PRH1: variants seen among roughly 807,000 people sequenced by gnomAD.
The protein encoded by PRH1 is salivary acidic proline-rich phosphoprotein 1/2.
A neutral mutation model predicts 7.9 loss-of-function variants in PRH1; 7 were observed. That is an observed-to-expected ratio of 0.89 (90% CI 0.50 to 1.67). The LOEUF (loss-of-function observed/expected upper bound fraction) is 1.67, where lower values mean the gene tolerates loss of function less well. Ranked by LOEUF, PRH1 falls within the 40% of genes most tolerant of loss-of-function variation. The pLI is 0.00. For missense variants in PRH1, 109 were observed against 223.6 expected (o/e 0.49, Z 3.27); for synonymous variants, 45 against 80.8 (o/e 0.56, Z 2.38).
intron 1 of PRH1, chr12:10,997,838 A>C: frequency 6.2e-7 from 1 of 1,603,890 alleles, no homozygotes; most frequent in Non-Finnish European, 8.5e-7. Flanking sequence ...TGCAACCACT[A>C]CTAGAATGGA....
At chr12:10,965,033 A>T in intron 2 of PRH1, 1 of 927,272 alleles carries the variant, frequency 1.1e-6, no homozygotes. Flanking sequence ...AATCTTGAGG[A>T]AATAAAATAT....
At chr12:11,032,414 C>T (rs1305794214) in intron 1 of PRH1, among the ~76,000 whole-genome samples, 1 of 152,212 alleles carries the variant, frequency 6.6e-6, no homozygotes, top group Non-Finnish European at 1.5e-5. Flanking sequence ...TTGAGAACCA[C>T]AGGCAGGCCA....
intron 1 of PRH1, among the ~76,000 whole-genome samples, chr12:11,074,299 A>C (rs1944206207): frequency 6.6e-6 from 1 of 151,872 alleles, no homozygotes; most frequent in Non-Finnish European, 1.5e-5. Context: ...CCTGCCTTCT[A>C]ATGTGACACT....
At chr12:10,914,509 C>T (rs718109) in intron 2 of PRH1, among the ~76,000 whole-genome samples, 9 of 151,988 alleles carry the variant, frequency 5.9e-5, no homozygotes, top group African/African-American at 1.7e-4. Flanking sequence ...CAAGGAGGTT[C>T]TGAGCAGATG....
intron 1 of PRH1, among the ~76,000 whole-genome samples, chr12:11,017,128 T>C (rs1317374875): frequency 6.6e-6 from 1 of 152,288 alleles, no homozygotes; most frequent in East Asian, 1.9e-4. Flanking sequence ...ATTTAGTGAA[T>C]GTTTCTTATT....
intron 1 of PRH1, among the ~76,000 whole-genome samples, chr12:11,170,334 C>G (rs1294944516): frequency 6.6e-6 from 1 of 152,160 alleles, no homozygotes; most frequent in Non-Finnish European, 1.5e-5. Flanking sequence ...ATCACGAGGT[C>G]AGGAGATCGA....
chr12:11,049,828 A>G (rs996865565), upstream of PRH1, among the ~76,000 whole-genome samples: 1 of 152,216 alleles, frequency 6.6e-6, no homozygotes, highest in African/African-American at 2.4e-5. Flanking sequence ...AAGTCCTGGG[A>G]GGCCAATACA....
At chr12:11,030,629 A>G in intron 1 of PRH1, 1 of 1,614,238 alleles carries the variant, frequency 6.2e-7, no homozygotes, top group South Asian at 1.1e-5. Flanking sequence ...GGCACATAAC[A>G]AGAGGAAAAA....
At chr12:11,170,112 C>T (rs769956469) in intron 1 of PRH1, among the ~76,000 whole-genome samples, 1 of 152,092 alleles carries the variant, frequency 6.6e-6, no homozygotes, top group Non-Finnish European at 1.5e-5. Flanking sequence ...TGAATGAAGA[C>T]GGTGTGTGCG....
intron 1 of PRH1, among the ~76,000 whole-genome samples, chr12:11,075,534 G>A (rs1163045672): frequency 8.7e-6 from 1 of 114,432 alleles, no homozygotes; most frequent in African/African-American, 2.9e-5. Context: ...TCTTGTGATG[G>A]GGTCTGCTAA....
intron 1 of PRH1, among the ~76,000 whole-genome samples, chr12:10,998,185 C>T (rs1376511943): frequency 6.6e-6 from 1 of 152,150 alleles, no homozygotes; most frequent in Non-Finnish European, 1.5e-5. Flanking sequence ...GCTGAATTCT[C>T]ATTTGCTAGC....
chr12:10,930,698 G>C, intron 2 of PRH1: 1 of 1,613,858 alleles, frequency 6.2e-7, no homozygotes, highest in Non-Finnish European at 8.5e-7. Context: ...GATGAGGAGC[G>C]TCAGGGACCA....
At chr12:10,984,096 T>TG (rs373481487) in intron 1 of PRH1, among the ~76,000 whole-genome samples, 1 of 150,776 alleles carries the variant, frequency 6.6e-6, no homozygotes, top group East Asian at 1.9e-4. Context: ...CAGTTTTTTT[T>TG]AATGAAATGC....
At chr12:10,930,174 G>C in intron 2 of PRH1, 1 of 1,394,270 alleles carries the variant, frequency 7.2e-7, no homozygotes, top group East Asian at 2.3e-5. Context: ...GGGATGCACA[G>C]GGTGTGATCA....
intron 2 of PRH1, among the ~76,000 whole-genome samples, chr12:10,919,089 GTTTAC>G (rs1950011875): frequency 6.6e-6 from 1 of 151,904 alleles, no homozygotes; most frequent in Non-Finnish European, 1.5e-5. Flanking sequence ...CTGTTTGATT[GTTTAC>G]TTTTTCAATT....
At chr12:11,163,863 A>G (rs1182303744) in intron 1 of PRH1, among the ~76,000 whole-genome samples, 2 of 152,228 alleles carry the variant, frequency 1.3e-5, no homozygotes, top group Non-Finnish European at 2.9e-5. Flanking sequence ...ATAAAAAAGA[A>G]GCTGGAATAA....
chr12:11,127,631 CAT>C (rs1392906807), intron 1 of PRH1, among the ~76,000 whole-genome samples: 2 of 78,088 alleles, frequency 2.6e-5, no homozygotes, highest in African/African-American at 3.5e-5. Context: ...CACACACACA[CAT>C]ACACACCCCT....
intron 1 of PRH1, chr12:11,159,798 C>G (rs991287321): frequency 6.6e-6 from 1 of 152,178 alleles, no homozygotes; most frequent in Admixed American, 6.5e-5. Flanking sequence ...GTTTTCATCA[C>G]AATTTCAGAA....
intron 2 of PRH1, among the ~76,000 whole-genome samples, chr12:10,924,414 T>C (rs1254799662): frequency 1.3e-5 from 2 of 152,230 alleles, no homozygotes; most frequent in African/African-American, 2.4e-5. Context: ...TAGTGGATAG[T>C]CTCTCATTGT....
Sources: gnomAD v4.1 joint callset for allele counts (sites outside exome capture counted in the v4.1 genomes callset) on GRCh38, gnomAD v4.1.1 for gene constraint, MANE v1.5 for transcripts, NCBI Gene and HGNC (gene_info 2026-07-23, HGNC 2026-07-21) for gene names.